Variants in CNTN6 observed in about 807,000 individuals in gnomAD.
CNTN6 encodes the protein contactin-6.
CNTN6 carries 137 observed loss-of-function variants against 122.8 expected under a neutral mutation model. The ratio of observed to expected loss-of-function variants is 1.12; its 90% CI spans 0.97 to 1.29. CNTN6 has a LOEUF of 1.29. Ranked by LOEUF, CNTN6 falls within the 50% of genes most tolerant of loss-of-function variation. The pLI, the probability that CNTN6 is intolerant of heterozygous loss-of-function variation, is 0.00. For missense variants in CNTN6, 1,634 were observed against 1,223.4 expected, an observed-to-expected ratio of 1.34 and a Z score of -5.01; for synonymous variants, 570 against 426.0, an observed-to-expected ratio of 1.34 and a Z score of -4.16.
intron 2 of CNTN6, among the ~76,000 whole-genome samples, chr3:1,157,463 C>CG (rs982447116): frequency 6.6e-6 from 1 of 151,644 alleles, no homozygotes; most frequent in Non-Finnish European, 1.5e-5. Context: ...GTGATCTGCC[C>CG]GCCTTGGTCT....
chr3:1,165,738 A>G (rs1218407378), intron 2 of CNTN6, among the ~76,000 whole-genome samples: 1 of 152,238 alleles, frequency 6.6e-6, no homozygotes, highest in African/African-American at 2.4e-5. Flanking sequence ...TGTAATGAAG[A>G]AATCAAAGCT....
intron 1 of CNTN6, among the ~76,000 whole-genome samples, chr3:1,108,650 T>C (rs913357212): frequency 1.3e-5 from 2 of 152,116 alleles, no homozygotes. Context: ...GTGCTTGTTA[T>C]ATTTAAGGCT....
chr3:1,122,018 A>T (rs1392756294), intron 1 of CNTN6, among the ~76,000 whole-genome samples: 15 of 152,040 alleles, frequency 9.9e-5, no homozygotes. Context: ...CAGTTTTCTT[A>T]TTTGTAAAAT....
intron 14 of CNTN6, 22 bp from the exon 15 acceptor site, chr3:1,373,581 CA>C: frequency 6.2e-7 from 1 of 1,607,196 alleles, no homozygotes; most frequent in East Asian, 2.2e-5. Flanking sequence ...CCAATGGAGT[CA>C]TGATAAAACA....
In CNTN6 at chr3:1,329,855, T is replaced by C. The variant is rs1702046393; in HGVS notation, c.1284T>C (p.Val428=). 1 of 1,611,280 alleles carries C rather than the reference T, an allele frequency of 6.2e-7. No individual in the cohort carries two copies. Among genetic ancestry groups the C allele is most frequent in the Non-Finnish European group, 8.5e-7 (1 of 1,178,220 alleles). ...KSFVQVGGDI[V]IGCKPNAFPR... is the part of the protein sequence containing the mutation. The stretch of plus-strand genomic sequence containing the variant: ...TTGTTCAAGTTGGTGGGGATATTGT[T>C]ATCGGATGCAAACCAAATGCTTTTC... Residue 428 remains valine (V), a synonymous_variant, in exon 11 of 23, where the codon GTT becomes GTC. Coordinates refer to ENST00000446702, the MANE Select transcript of CNTN6 (RefSeq NM_001289080.2).
chr3:1,186,895 C>T lies in CNTN6; in HGVS notation c.56-33792C>T, dbSNP rs575623354. 4.6e-5 allele frequency among the ~76,000 whole-genome samples: 7 copies of T among 151,644 alleles called. No individual in the cohort carries two copies. In the South Asian group the frequency reaches 1.5e-3, roughly 32 times the overall value. On this transcript the variant is annotated intron_variant, in intron 2 of 22. Transcript: ENST00000446702. ...GCCCTTGACAGTATGATTCCTTTCCCTTCCCTCTGCCCAAATACAGATAGA... is the reference window on the plus strand; with the variant it reads ...GCCCTTGACAGTATGATTCCTTTCCTTTCCCTCTGCCCAAATACAGATAGA...
At chr3:1,308,653 T>G (rs1347163380) in intron 7 of CNTN6, among the ~76,000 whole-genome samples, 1 of 152,052 alleles carries the variant, frequency 6.6e-6, no homozygotes. Flanking sequence ...TCTAATCCAT[T>G]ACCACATGGA....
chr3:1,307,978 C>T (rs1475789949), intron 7 of CNTN6, among the ~76,000 whole-genome samples: 1 of 152,148 alleles, frequency 6.6e-6, no homozygotes, highest in African/African-American at 2.4e-5. Flanking sequence ...TCCATACTGA[C>T]TCTTTGGAAA....
chr3:1,273,573 T>G (rs1168873249), intron 4 of CNTN6, among the ~76,000 whole-genome samples: 1 of 152,190 alleles, frequency 6.6e-6, no homozygotes, highest in African/African-American at 2.4e-5. Context: ...TCAAAGCATA[T>G]CCACATGAGA....
At chr3:1,100,825 C>A (rs966183070) in intron 1 of CNTN6, among the ~76,000 whole-genome samples, 1 of 152,102 alleles carries the variant, frequency 6.6e-6, no homozygotes, top group Non-Finnish European at 1.5e-5. Context: ...CATTCTTAAG[C>A]TCTCAAAAAA....
At chr3:1,356,629 G>A (rs779142335) in intron 12 of CNTN6, among the ~76,000 whole-genome samples, 10 of 151,768 alleles carry the variant, frequency 6.6e-5, no homozygotes, top group African/African-American at 2.2e-4. Flanking sequence ...ATGACAAGAT[G>A]TATTGGAATA....
chr3:1,105,792 G>T (rs1350398850), intron 1 of CNTN6, among the ~76,000 whole-genome samples: 1 of 152,098 alleles, frequency 6.6e-6, no homozygotes, highest in African/African-American at 2.4e-5. Flanking sequence ...CTGGCCTGTG[G>T]TGTGTGATCA....
At chr3:1,100,074 C>T (rs1402821504) in intron 1 of CNTN6, among the ~76,000 whole-genome samples, 5 of 152,054 alleles carry the variant, frequency 3.3e-5, no homozygotes, top group Admixed American at 1.3e-4. Flanking sequence ...ATATTTTTGT[C>T]AAGGTTTTTT....
chr3:1,389,122 A>G (rs1693681397), intron 20 of CNTN6, among the ~76,000 whole-genome samples: 1 of 145,246 alleles, frequency 6.9e-6, no homozygotes. Flanking sequence ...CAGATTCACC[A>G]AAGTTGAAAT....
intron 17 of CNTN6, among the ~76,000 whole-genome samples, chr3:1,377,926 C>G (rs155385): frequency 0.43 from 64,692 of 151,600 alleles, 14,559 homozygotes; most frequent in African/African-American, 0.57. Context: ...AGGGTTTCTG[C>G]GTTTTTTAAT....
intron 4 of CNTN6, among the ~76,000 whole-genome samples, chr3:1,276,191 A>AT (rs1268204520): frequency 3.3e-5 from 5 of 152,148 alleles, no homozygotes; most frequent in Non-Finnish European, 5.9e-5. Context: ...ACCAATGTGT[A>AT]TTTTTTTAAA....
chr3:1,261,177 A>G (rs973630903), intron 4 of CNTN6, among the ~76,000 whole-genome samples: 8 of 152,172 alleles, frequency 5.3e-5, no homozygotes, highest in African/African-American at 1.9e-4. Flanking sequence ...AATTTGGCAG[A>G]TGAGACTTCC....
At chr3:1,232,890 T>C (rs1203793310) in intron 4 of CNTN6, among the ~76,000 whole-genome samples, 1 of 152,048 alleles carries the variant, frequency 6.6e-6, no homozygotes, top group African/African-American at 2.4e-5. Flanking sequence ...GAGAAAGTGG[T>C]AGAGAAAGTA....
At chr3:1,258,554 G>T (rs545688532) in intron 4 of CNTN6, among the ~76,000 whole-genome samples, 2 of 152,196 alleles carry the variant, frequency 1.3e-5, no homozygotes, top group South Asian at 4.1e-4. Flanking sequence ...GTGTGTGAGG[G>T]ATTGGAATAC....
Sources: allele counts gnomAD v4.1 joint callset (sites outside exome capture counted in the v4.1 genomes callset), GRCh38; gene constraint gnomAD v4.1.1; transcripts MANE v1.5; gene names NCBI Gene and HGNC (gene_info 2026-07-23, HGNC 2026-07-21).